The following PKD2 variants were observed in gnomAD, a reference collection of about 807,000 sequenced individuals.
PKD2 encodes the protein polycystin-2.
PKD2 carries 48 observed loss-of-function variants against 105.9 expected under a neutral mutation model. The observed-to-expected ratio is 0.45, with a 90% confidence interval of 0.36 to 0.58. The LOEUF (loss-of-function observed/expected upper bound fraction) is 0.58. PKD2 is among the 20% of genes least tolerant of loss of function. PKD2 has a pLI of 0.00. For synonymous variants in PKD2, 464 were observed against 481.1 expected, an observed-to-expected ratio of 0.96 and a Z score of 0.46; for missense variants, 1,078 against 1,255.3, an observed-to-expected ratio of 0.86 and a Z score of 2.13.
intron 2 of PKD2, among the ~76,000 whole-genome samples, chr4:88,023,493 A>G (rs774485699): frequency 5.9e-5 from 9 of 152,232 alleles, no homozygotes; most frequent in Non-Finnish European, 1.2e-4. Context: ...GGATGGGGAC[A>G]ACATCCAAAC....
intron 5 of PKD2, among the ~76,000 whole-genome samples, chr4:88,045,428 C>T (rs1046235160): frequency 6.6e-6 from 1 of 152,150 alleles, no homozygotes; most frequent in East Asian, 1.9e-4. Context: ...TCTAATTTAC[C>T]ATAGTCCTGT....
intron 2 of PKD2, among the ~76,000 whole-genome samples, chr4:88,023,767 A>T (rs1165284293): frequency 6.6e-6 from 1 of 152,232 alleles, no homozygotes; most frequent in East Asian, 1.9e-4. Context: ...TAGTAGTAGT[A>T]AGAAGTTATT....
chr4:88,059,562 T>TAA (rs1720487444), intron 9 of PKD2, among the ~76,000 whole-genome samples: 1 of 152,182 alleles, frequency 6.6e-6, no homozygotes, highest in African/African-American at 2.4e-5. Flanking sequence ...TGTGGTCCTT[T>TAA]AGTAGGCAGC....
chr4:88,008,833 A>C (rs1376987391), intron 1 of PKD2, among the ~76,000 whole-genome samples: 1 of 152,000 alleles, frequency 6.6e-6, no homozygotes, highest in Non-Finnish European at 1.5e-5. Context: ...TTGTGGGAGG[A>C]GTGTGGCAGA....
chr4:88,030,303 C>G lies in PKD2; in HGVS notation c.710-5917C>G, dbSNP rs1006261685. ...GGGACCACAGGCACCTACCACCCAG[C>G]TAATTTTATTTGTTGTAGAAATGAG... On this transcript the variant is annotated intron_variant, in intron 2 of 14. Transcript: ENST00000237596. Among the ~76,000 whole-genome samples the G allele has an allele frequency of 6.6e-5, 10 of 152,030 alleles. No homozygotes were observed. In the East Asian group the frequency reaches 1.9e-3, roughly 29 times the overall value.
At chr4:88,010,575 A>C (rs1165891476) in intron 1 of PKD2, among the ~76,000 whole-genome samples, 1 of 152,228 alleles carries the variant, frequency 6.6e-6, no homozygotes, top group Non-Finnish European at 1.5e-5. Context: ...AACAGAAAGT[A>C]ACTTGCAATT....
chr4:88,075,377 A>G (rs1721192504), intron 14 of PKD2, 81 bp from the exon 15 acceptor site: 5 of 1,016,680 alleles, frequency 4.9e-6, no homozygotes, highest in Non-Finnish European at 7.9e-6. Flanking sequence ...GCCTTACCAA[A>G]CTACAGATTA....
At chr4:88,050,791 A>G (rs1560616545) in intron 6 of PKD2, among the ~76,000 whole-genome samples, 1 of 151,996 alleles carries the variant, frequency 6.6e-6, no homozygotes, top group Non-Finnish European at 1.5e-5. Flanking sequence ...ACACAAAAAT[A>G]CAAGATTGGC....
At chr4:88,012,995 T>C (rs1726439225) in intron 1 of PKD2, among the ~76,000 whole-genome samples, 1 of 152,216 alleles carries the variant, frequency 6.6e-6, no homozygotes, top group Non-Finnish European at 1.5e-5. Context: ...TGTACACATA[T>C]ATACACACAC....
rs201367641 is a variant in PKD2 at position 88,065,436 on chromosome 4, G to A, written c.2181G>A (p.Glu727=). Residue 727 remains glutamate, a synonymous_variant, in exon 11 of 15, where the codon GAG becomes GAA. Transcript: ENST00000237596. The stretch of plus-strand genomic sequence containing the variant: ...AAAATACCGTGGATGACATTTCAGA[G>A]AGTCTGCGGCAAGGAGGAGGCAAGT... ...LKKNTVDDIS[E]SLRQGGGKLN... 1.2e-6 allele frequency: 2 copies of A among 1,613,160 alleles called. No individual in the cohort carries two copies. Among genetic ancestry groups the A allele is most frequent in the East Asian group, 2.2e-5 (1 of 44,864 alleles).
chr4:88,052,292 AG>A lies in PKD2; in HGVS notation c.1716+137del, dbSNP rs70957296. ...AGCTGCTCAATATTTACTTTGAGACAGGGTCTCACTCTGTCACCCAGGCTGG... is the reference window on the plus strand; with the variant it reads ...AGCTGCTCAATATTTACTTTGAGACAGGTCTCACTCTGTCACCCAGGCTGG... On this transcript the variant is annotated intron_variant, in intron 7 of 14. Transcript: ENST00000237596. 0.25 allele frequency: 164,871 copies of A among 667,018 alleles called. 23,944 individuals are homozygous for A. Among genetic ancestry groups the A allele is most frequent in the Non-Finnish European group, 0.31 (115,295 of 373,886 alleles). The allele number at this position is 667,018 out of a possible 1,614,324, so 41.3% of individuals were successfully genotyped here. A position where few individuals can be genotyped will look rare whatever the true frequency, so the allele number is the denominator to read the frequency against.
intron 3 of PKD2, among the ~76,000 whole-genome samples, chr4:88,037,184 A>G (rs776056229): frequency 6.6e-6 from 1 of 152,106 alleles, no homozygotes; most frequent in Non-Finnish European, 1.5e-5. Context: ...GCAGTGAGCC[A>G]TGGCCATGCT....
At chr4:88,025,122 A>C (rs1293817190) in intron 2 of PKD2, among the ~76,000 whole-genome samples, 6 of 152,114 alleles carry the variant, frequency 3.9e-5, no homozygotes, top group African/African-American at 9.7e-5. Flanking sequence ...CCTGGGCGAC[A>C]GAACGAGACT....
intron 1 of PKD2, among the ~76,000 whole-genome samples, chr4:88,015,006 A>G (rs781081829): frequency 6.6e-6 from 1 of 152,188 alleles, no homozygotes; most frequent in Non-Finnish European, 1.5e-5. Flanking sequence ...GTTTAATGTC[A>G]TTTGACTCCA....
intron 13 of PKD2, among the ~76,000 whole-genome samples, chr4:88,068,385 G>T (rs1720875978): frequency 6.6e-6 from 1 of 151,876 alleles, no homozygotes; most frequent in African/African-American, 2.4e-5. Flanking sequence ...CAAGAGAATT[G>T]CTTGAACCCG....
In PKD2 at chr4:88,065,460, G is replaced by A. The variant is rs368245083; in HGVS notation, c.2205G>A (p.Lys735=). ...AGAGTCTGCGGCAAGGAGGAGGCAA[G>A]TTAAACTTTGACGAACTTCGACAAG... ...ISESLRQGGG[K]LNFDELRQDL... is the part of the protein sequence containing the mutation. The change falls in exon 11 of 15, where the codon AAG becomes AAA. Residue 735 remains lysine (K), a synonymous_variant. Transcript: ENST00000237596. The A allele has an allele frequency of 5.6e-6, 9 of 1,613,870 alleles. No individual in the cohort carries two copies. The African/African-American group carries it at 8.0e-5, about 14-fold the overall frequency.
At chr4:88,050,178 G>A (rs1037816690) in intron 6 of PKD2, among the ~76,000 whole-genome samples, 1 of 151,990 alleles carries the variant, frequency 6.6e-6, no homozygotes, top group African/African-American at 2.4e-5. Flanking sequence ...GTTTCACCGA[G>A]TTAGCCAGGA....
At chr4:88,022,292 C>A (rs919325258) in intron 2 of PKD2, among the ~76,000 whole-genome samples, 1 of 152,154 alleles carries the variant, frequency 6.6e-6, no homozygotes, top group Non-Finnish European at 1.5e-5. Context: ...CTCCCCGAAG[C>A]CTCACAGTAT....
chr4:88,031,731 A>G (rs2728110), intron 2 of PKD2, among the ~76,000 whole-genome samples: 74,629 of 151,980 alleles, frequency 0.49, 18,969 homozygotes, highest in East Asian at 0.71. Flanking sequence ...AGATTGAAAG[A>G]TACAGGGTTT....
Sources: gnomAD v4.1 joint callset for allele counts (sites outside exome capture counted in the v4.1 genomes callset) on GRCh38, gnomAD v4.1.1 for gene constraint, MANE v1.5 for transcripts, NCBI Gene and HGNC (gene_info 2026-07-23, HGNC 2026-07-21) for gene names.